Variants in MAP3K20 observed in about 807,000 individuals in gnomAD.
MAP3K20 encodes the protein mitogen-activated protein kinase kinase kinase 20, also known as HCCS-4.
A neutral mutation model predicts 85.7 loss-of-function variants in MAP3K20; 40 were observed. The ratio of observed to expected loss-of-function variants is 0.47; its 90% confidence interval spans 0.36 to 0.61. The LOEUF (loss-of-function observed/expected upper bound fraction) is 0.61. Ranked by LOEUF, MAP3K20 falls within the 20% of genes least tolerant of loss-of-function variation. MAP3K20 has a pLI of 0.00. For synonymous variants in MAP3K20, 325 were observed against 327.7 expected (o/e 0.99, Z 0.09); for missense variants, 817 against 961.7 (o/e 0.85, Z 1.99).
chr2:173,254,861 A>T (rs1223780086), intron 16 of MAP3K20, among the ~76,000 whole-genome samples: 1 of 152,260 alleles, frequency 6.6e-6, no homozygotes, highest in African/African-American at 2.4e-5. Context: ...ATGACATCAT[A>T]GATGCCCTGA....
At position 173,182,980 on chromosome 2, in the gene MAP3K20, T is replaced by C. The variant is rs575433061; in HGVS notation, c.349+25T>C. The C allele has an allele frequency of 2.6e-6, 4 of 1,560,348 alleles. No homozygotes were observed. The Admixed American group carries it at 5.3e-5, about 21-fold the overall frequency. ...GGTAATAATATTTGGTATATTCTTA[T>C]AGAATTAGTGGGGTGCATTTTCCCC... On this transcript the variant is annotated intron_variant, in intron 4 of 19. Coordinates refer to ENST00000375213, the MANE Select transcript of MAP3K20 (RefSeq NM_016653.3).
At chr2:173,110,199 AC>A (rs1687904263) in intron 2 of MAP3K20, among the ~76,000 whole-genome samples, 1 of 36,320 alleles carries the variant, frequency 2.8e-5, no homozygotes, top group Non-Finnish European at 5.1e-5. Flanking sequence ...TATATGTTAT[AC>A]ATATATATAT....
At chr2:173,201,105 A>G (rs1483458066) in intron 8 of MAP3K20, among the ~76,000 whole-genome samples, 1 of 152,212 alleles carries the variant, frequency 6.6e-6, no homozygotes, top group South Asian at 2.1e-4. Flanking sequence ...ATTTAAGATT[A>G]CTTTTTGCAT....
intron 11 of MAP3K20, among the ~76,000 whole-genome samples, chr2:173,228,078 G>A (rs1315965310): frequency 1.3e-5 from 2 of 152,204 alleles, no homozygotes; most frequent in Non-Finnish European, 2.9e-5. Context: ...TTCCGAGGAG[G>A]CAAGGGCAAC....
chr2:173,151,127 CACTT>C (rs1340483344), intron 2 of MAP3K20, among the ~76,000 whole-genome samples: 1 of 152,148 alleles, frequency 6.6e-6, no homozygotes, highest in African/African-American at 2.4e-5. Flanking sequence ...CAGAACCACT[CACTT>C]GTTATTAGAC....
At chr2:173,146,163 G>T (rs1017666134) in intron 2 of MAP3K20, among the ~76,000 whole-genome samples, 3 of 151,826 alleles carry the variant, frequency 2.0e-5, no homozygotes, top group South Asian at 2.1e-4. Context: ...TTCACTTAAG[G>T]TCTGTGTATT....
chr2:173,155,101 G>A (rs765482485), intron 2 of MAP3K20, among the ~76,000 whole-genome samples: 2 of 152,080 alleles, frequency 1.3e-5, no homozygotes, highest in Non-Finnish European at 2.9e-5. Flanking sequence ...GATGGAGAGC[G>A]ATATCCTGAG....
At chr2:173,227,290 G>A (rs1259101227) in intron 11 of MAP3K20, 4 of 348,550 alleles carry the variant, frequency 1.1e-5, no homozygotes, top group African/African-American at 8.9e-5. Flanking sequence ...TAATAAATTT[G>A]TAAAGTGATG....
Position 173,266,436 on chromosome 2 carries a change from A to G in MAP3K20, c.2089A>G (p.Ser697Gly), listed in dbSNP as rs1009662313. Residue 697 changes from serine to glycine, a missense_variant, in exon 20 of 20, where the codon AGT becomes GGT. This residue lies in a region of MAP3K20 where 454 missense variants were observed against 476.9 expected (regional missense o/e 0.95). Transcript: ENST00000375213. ...CAATTCTTCTCCTAGAGGAAGATACAGTGGAAAGAGTCAGCATTCCACTCC... is the reference window on the plus strand; with the variant it reads ...CAATTCTTCTCCTAGAGGAAGATACGGTGGAAAGAGTCAGCATTCCACTCC... Reference protein sequence around the residue: ...SLNSSPRGRYSGKSQHSTPSR... With the variant: ...SLNSSPRGRYGGKSQHSTPSR... The G allele has an allele frequency of 5.0e-6, 8 of 1,614,190 alleles. No individual in the cohort carries two copies. The highest frequency in any genetic ancestry group is 4.5e-5 in the East Asian group (2 of 44,888).
intron 14 of MAP3K20, 33 bp from the exon 15 acceptor site, chr2:173,238,340 A>G (rs774948298): frequency 7.1e-6 from 11 of 1,556,624 alleles, no homozygotes; most frequent in African/African-American, 1.4e-5. Context: ...GTATTACTGG[A>G]TCATTAATAA....
At chr2:173,216,944 A>G (rs1684090316) in intron 10 of MAP3K20, among the ~76,000 whole-genome samples, 171 bp from the exon 11 acceptor site, 1 of 152,190 alleles carries the variant, frequency 6.6e-6, no homozygotes, top group Non-Finnish European at 1.5e-5. Flanking sequence ...CAAGCTAGAA[A>G]CTACCCTTGA....
chr2:173,092,092 A>G (rs1004454203), intron 2 of MAP3K20, among the ~76,000 whole-genome samples: 3 of 152,324 alleles, frequency 2.0e-5, no homozygotes, highest in East Asian at 1.9e-4. Context: ...CCAGTGAACC[A>G]TAGCAATTGA....
chr2:173,232,588 C>G (rs901325039), intron 14 of MAP3K20, 129 bp downstream of exon 14: 18 of 1,377,376 alleles, frequency 1.3e-5, no homozygotes, highest in Non-Finnish European at 1.8e-5. Context: ...GTTGCACCCT[C>G]CGCCTCCTGG....
At chr2:173,187,413 T>C in intron 4 of MAP3K20, 145 bp from the exon 5 acceptor site, 1 of 618,776 alleles carries the variant, frequency 1.6e-6, no homozygotes, top group Non-Finnish European at 2.7e-6. Context: ...AATGTAGACA[T>C]ATTCTGTTTT....
At chr2:173,233,443 T>A (rs1414999134) in intron 14 of MAP3K20, among the ~76,000 whole-genome samples, 1 of 152,116 alleles carries the variant, frequency 6.6e-6, no homozygotes, top group African/African-American at 2.4e-5. Context: ...TTGTTTTTTG[T>A]TTGTTTTTGT....
chr2:173,181,179 G>A (rs1421452024), intron 3 of MAP3K20, among the ~76,000 whole-genome samples: 1 of 152,148 alleles, frequency 6.6e-6, no homozygotes, highest in Non-Finnish European at 1.5e-5. Context: ...AGCACTGTGA[G>A]ATACCACTAG....
At chr2:173,250,806 T>C (rs1207884963) in intron 16 of MAP3K20, among the ~76,000 whole-genome samples, 1 of 152,158 alleles carries the variant, frequency 6.6e-6, no homozygotes, top group East Asian at 1.9e-4. Flanking sequence ...TTCTTGTGGA[T>C]TTCTTTTTGG....
In MAP3K20 at chr2:173,232,317, C is replaced by CAG; in HGVS notation, c.1064-2_1064-1dup. ...TATTCTGCTTTCTAATCACTTCCTT[C>CAG]AGGTGACTCTTCAGCAGAGATGAGT... On this transcript the variant is annotated splice_polypyrimidine_tract_variant and splice_region_variant and intron_variant, in intron 13 of 19. Transcript: ENST00000375213. The CAG allele has an allele frequency of 2.5e-6, 4 of 1,614,178 alleles. No homozygotes were observed. The highest frequency in any genetic ancestry group is 3.4e-6 in the Non-Finnish European group (4 of 1,180,024).
At chr2:173,129,483 C>G (rs79737767) in intron 2 of MAP3K20, among the ~76,000 whole-genome samples, 3,071 of 152,218 alleles carry the variant, frequency 0.02, 55 homozygotes, top group Admixed American at 0.041. Context: ...GCCCCAGTGT[C>G]AGTGATACCA....
Sources: allele counts gnomAD v4.1 joint callset (sites outside exome capture counted in the v4.1 genomes callset), GRCh38; gene constraint gnomAD v4.1.1; regional missense constraint gnomAD v4.1.1; transcripts MANE v1.5; gene names NCBI Gene and HGNC (gene_info 2026-07-23, HGNC 2026-07-21).